The following COL4A5 variants were observed in gnomAD, a reference collection of about 807,000 sequenced individuals.
The protein encoded by COL4A5 is collagen alpha-5(IV) chain.
Under a neutral mutation model 130.2 loss-of-function variants are expected in COL4A5, and 26 were observed. The ratio of observed to expected loss-of-function variants is 0.20; its 90% CI spans 0.15 to 0.28. COL4A5 has a LOEUF of 0.28. Ranked by LOEUF, COL4A5 falls within the 10% of genes least tolerant of loss-of-function variation. The pLI, the probability that COL4A5 is intolerant of heterozygous loss-of-function variation, is 1.00. For missense variants in COL4A5, 1,131 were observed against 1,344.3 expected (o/e 0.84, Z 2.48); for synonymous variants, 496 against 439.6 (o/e 1.13, Z -1.60).
At chrX:108,554,637 G>A (rs2065798136) in intron 2 of COL4A5, among the ~76,000 whole-genome samples, 1 of 111,758 alleles carries the variant, frequency 8.9e-6, no homozygotes, top group African/African-American at 3.3e-5. Flanking sequence ...GAGGCAGGTG[G>A]ATCGCTTGAG....
rs902327422 is a variant in COL4A5 at position 108,488,460 on chromosome X, G to C, written c.81+48254G>C. The stretch of plus-strand genomic sequence containing the variant: ...AGGGTGAATTTCTAGAAATGGAGCT[G>C]TTGGGTTGGATAGTATGGACCCTTG... On this transcript the variant is annotated intron_variant, in intron 1 of 52. Transcript: ENST00000328300. 2.7e-5 allele frequency among the ~76,000 whole-genome samples: 3 copies of C among 112,414 alleles called. No homozygotes were observed. In the South Asian group the frequency reaches 1.1e-3, roughly 41 times the overall value.
At chrX:108,593,554 C>A (rs1483825674) in intron 21 of COL4A5, among the ~76,000 whole-genome samples, 2 of 111,167 alleles carry the variant, frequency 1.8e-5, no homozygotes, top group Admixed American at 1.9e-4. Flanking sequence ...ATTGTTTTAC[C>A]TTTCACGTTT....
At chrX:108,596,530 G>C (rs1342355975) in intron 22 of COL4A5, among the ~76,000 whole-genome samples, 1 of 112,186 alleles carries the variant, frequency 8.9e-6, no homozygotes, top group Non-Finnish European at 1.9e-5. Context: ...TCTAGTCTTT[G>C]GGCTGCAAAT....
At chrX:108,588,430 T>C (rs1412871954) in intron 19 of COL4A5, among the ~76,000 whole-genome samples, 1 of 110,990 alleles carries the variant, frequency 9.0e-6, no homozygotes, top group Non-Finnish European at 1.9e-5. Context: ...ATACAGACTG[T>C]ATCTGGAAAA....
At chrX:108,571,990 C>T (rs1488681435) in intron 8 of COL4A5, among the ~76,000 whole-genome samples, 153 bp downstream of exon 8, 2 of 111,744 alleles carry the variant, frequency 1.8e-5, no homozygotes, top group African/African-American at 6.5e-5. Flanking sequence ...AAGTAGTCTC[C>T]TGTGTTCCCA....
intron 1 of COL4A5, among the ~76,000 whole-genome samples, chrX:108,506,617 G>A (rs1350576889): frequency 9.0e-6 from 1 of 111,473 alleles, no homozygotes; most frequent in Admixed American, 9.5e-5. Flanking sequence ...AGAATCTAAT[G>A]TCAATGATGA....
intron 18 of COL4A5, among the ~76,000 whole-genome samples, chrX:108,584,859 A>G (rs1159171415): frequency 9.2e-6 from 1 of 108,714 alleles, no homozygotes; most frequent in Non-Finnish European, 1.9e-5. Flanking sequence ...CAACAACAAC[A>G]AAACAAAACT....
intron 28 of COL4A5, among the ~76,000 whole-genome samples, chrX:108,605,597 A>T (rs951737615): frequency 4.5e-5 from 5 of 112,216 alleles, no homozygotes; most frequent in African/African-American, 1.6e-4. Flanking sequence ...TATAGGAAAA[A>T]TTGCGCTGAT....
At chrX:108,601,527 G>GT in intron 26 of COL4A5, 42 bp downstream of exon 26, 1 of 806,354 alleles carries the variant, frequency 1.2e-6, no homozygotes, top group Admixed American at 3.0e-5. Context: ...AACACCGATG[G>GT]CTTTTTTTTT....
At chrX:108,487,800 C>G (rs2064961209) in intron 1 of COL4A5, among the ~76,000 whole-genome samples, 1 of 112,106 alleles carries the variant, frequency 8.9e-6, no homozygotes. Context: ...TATAGCTAAT[C>G]AAGAAGTTTC....
At chrX:108,670,122 A>G in intron 41 of COL4A5, 106 bp from the exon 42 acceptor site, 2 of 853,017 alleles carry the variant, frequency 2.3e-6, no homozygotes, top group Non-Finnish European at 1.7e-6. Flanking sequence ...ACTTGAAAGT[A>G]TTTAGTGTAA....
intron 10 of COL4A5, among the ~76,000 whole-genome samples, chrX:108,577,372 C>CAAAAAAAAAAA (rs746311921): frequency 3.3e-5 from 1 of 29,906 alleles, no homozygotes; most frequent in Non-Finnish European, 7.5e-5. Flanking sequence ...AACTCCTTCT[C>CAAAAAAAAAAA]AAAAAAAAAA....
Position 108,668,399 on chromosome X carries a change from G to A in COL4A5, c.3685G>A (p.Gly1229Ser), listed in dbSNP as rs1569505771. ...PGPKGEPGFH[G>S]FPGVQGPPGP... is the part of the protein sequence containing the mutation. Reference sequence around the variant, plus strand: ...TCCAAAGGGCGAACCAGGCTTTCACGGTTTCCCTGGTGTGCAGGGTCCCCC... The same window carrying A: ...TCCAAAGGGCGAACCAGGCTTTCACAGTTTCCCTGGTGTGCAGGGTCCCCC... Residue 1229 changes from glycine to serine, a missense_variant, in exon 41 of 53, where the codon GGT becomes AGT. Coordinates refer to ENST00000328300, the MANE Select transcript of COL4A5 (RefSeq NM_033380.3). 1 of 1,210,658 alleles carries A rather than the reference G, an allele frequency of 8.3e-7. No individual in the cohort carries two copies. Among genetic ancestry groups the A allele is most frequent in the Non-Finnish European group, 1.1e-6 (1 of 894,977 alleles).
At chrX:108,663,316 G>T (rs1348777024) in intron 37 of COL4A5, among the ~76,000 whole-genome samples, 2 of 111,669 alleles carry the variant, frequency 1.8e-5, no homozygotes, top group East Asian at 2.8e-4. Context: ...GTGTTTAGGG[G>T]TAAATTTAAG....
Position 108,582,876 on chromosome X carries a change from T to C in COL4A5, c.937-8T>C, listed in dbSNP as rs764190190. 8.4e-7 allele frequency: 1 copy of C among 1,196,648 alleles called. No homozygotes were observed. Among genetic ancestry groups the C allele is most frequent in the Non-Finnish European group, 1.1e-6 (1 of 882,432 alleles). The stretch of plus-strand genomic sequence containing the variant: ...TGCTGATGTCACCCTATCCTCTATG[T>C]TTTAAAGGGTTTGCCTGGTGATCCT... On this transcript the variant is annotated splice_region_variant and splice_polypyrimidine_tract_variant and intron_variant, in intron 16 of 52. Coordinates refer to ENST00000328300, the MANE Select transcript of COL4A5 (RefSeq NM_033380.3).
At chrX:108,544,640 A>T (rs1450651520) in intron 2 of COL4A5, among the ~76,000 whole-genome samples, 8 of 105,109 alleles carry the variant, frequency 7.6e-5, no homozygotes, top group African/African-American at 3.1e-4. Context: ...GTTAGGGAGG[A>T]TTCCCTTTTT....
chrX:108,456,020 A>T (rs757082618), intron 1 of COL4A5, among the ~76,000 whole-genome samples: 2 of 111,967 alleles, frequency 1.8e-5, no homozygotes, highest in African/African-American at 6.5e-5. Context: ...TGAGGTTTTG[A>T]TAGGAATTGT....
intron 15 of COL4A5, 30 bp downstream of exon 15, chrX:108,580,768 CA>C: frequency 3.4e-6 from 4 of 1,162,757 alleles, no homozygotes; most frequent in Non-Finnish European, 4.7e-6. Context: ...ATATTCTTTG[CA>C]AAAAAATTCT....
At chrX:108,543,764 T>G (rs972213709) in intron 2 of COL4A5, among the ~76,000 whole-genome samples, 22 of 112,214 alleles carry the variant, frequency 2.0e-4, no homozygotes, top group African/African-American at 7.1e-4. Context: ...TGCATTTGTT[T>G]GTATCCTCTT....
Sources: allele counts gnomAD v4.1 joint callset (sites outside exome capture counted in the v4.1 genomes callset), GRCh38; gene constraint gnomAD v4.1.1; transcripts MANE v1.5; gene names NCBI Gene and HGNC (gene_info 2026-07-23, HGNC 2026-07-21).